The following PIGK variants were observed in gnomAD, a reference collection of about 807,000 sequenced individuals.
The protein encoded by PIGK is GPI-anchor transamidase.
In PIGK, 42 loss-of-function variants were observed where a neutral mutation model predicts 50.6. That is an observed-to-expected ratio of 0.83 (90% CI 0.65 to 1.07). The LOEUF is 1.07. PIGK is among the 50% of genes least tolerant of loss of function. The pLI is 0.00. For missense variants in PIGK, 448 were observed against 488.7 expected, an observed-to-expected ratio of 0.92 and a Z score of 0.78; for synonymous variants, 151 against 156.0, an observed-to-expected ratio of 0.97 and a Z score of 0.24.
chr1:77,197,491 C>T (rs1656062781), intron 3 of PIGK, among the ~76,000 whole-genome samples: 2 of 152,188 alleles, frequency 1.3e-5, no homozygotes, highest in African/African-American at 4.8e-5. Context: ...ATTTCTTACT[C>T]TCTGCAGGCT....
At chr1:77,092,579 C>T in intron 10 of PIGK, 89 bp from the exon 11 acceptor site, 2 of 772,756 alleles carry the variant, frequency 2.6e-6, no homozygotes. Context: ...AGATAAATTT[C>T]ACTGGTTGTG....
rs58788160 is a variant in PIGK at position 77,171,436 on chromosome 1, C to CAAA, written c.240-2044_240-2042dup. Among the ~76,000 whole-genome samples, 353 of 46,874 alleles carry CAAA rather than the reference C, an allele frequency of 7.5e-3. 62 individuals are homozygous for CAAA. The highest frequency in any genetic ancestry group is 0.018 in the South Asian group (21 of 1,144). The allele number at this position is 46,874 out of a possible 152,430, so 30.8% of individuals were successfully genotyped here. On this transcript the variant is annotated intron_variant, in intron 3 of 10. Transcript: ENST00000370812. ...TGGGCAACAGAGCAAGACTCCACCT[C>CAAA]AAAAAAAAAAAAAAAAAAAAAAAAA...
rs1654655019 is a variant in PIGK, at chr1:77,141,781, TAC to T, written c.986+12666_986+12667del. 2.0e-5 allele frequency among the ~76,000 whole-genome samples: 3 copies of T among 152,122 alleles called. No homozygotes were observed. The South Asian group carries it at 6.2e-4, about 31-fold the overall frequency. On this transcript the variant is annotated intron_variant, in intron 9 of 10. Transcript: ENST00000370812. ...TAATAAAAGCTCACAAAAATAACCT[TAC>T]TTTGACTTTTTAGGTCCACTTTGGC...
At chr1:77,215,375 T>C (rs1258190003) in intron 1 of PIGK, among the ~76,000 whole-genome samples, 2 of 152,022 alleles carry the variant, frequency 1.3e-5, no homozygotes, top group Non-Finnish European at 2.9e-5. Context: ...CAATGAGATA[T>C]CATCTTAGTG....
rs571673009 is a variant in PIGK, at chr1:77,196,701, T to C, written c.239+9939A>G. Among the ~76,000 whole-genome samples the C allele has an allele frequency of 1.6e-4, 24 of 152,308 alleles. No homozygotes were observed. In the Middle Eastern group the frequency reaches 0.017, roughly 108 times the overall value. On this transcript the variant is annotated intron_variant, in intron 3 of 10. Coordinates refer to ENST00000370812, the MANE Select transcript of PIGK (RefSeq NM_005482.3). ...CTTGTTGAGTTGTTTATGTTCCTTA[T>C]AGATTCTAGAAATTAGACCTTTATC...
intron 1 of PIGK, among the ~76,000 whole-genome samples, chr1:77,216,638 G>GT (rs1557435367): frequency 5.3e-5 from 8 of 151,324 alleles, no homozygotes; most frequent in African/African-American, 7.3e-5. Context: ...TGTGTGGGGG[G>GT]GTGTGTGTGT....
chr1:77,155,027 C>T (rs1385621676), intron 8 of PIGK, among the ~76,000 whole-genome samples: 1 of 152,122 alleles, frequency 6.6e-6, no homozygotes, highest in Admixed American at 6.6e-5. Flanking sequence ...AATCATGCCT[C>T]TTGATTCAAA....
intron 3 of PIGK, among the ~76,000 whole-genome samples, chr1:77,198,414 T>C (rs1465727808): frequency 1.3e-5 from 2 of 152,030 alleles, no homozygotes; most frequent in Non-Finnish European, 2.9e-5. Flanking sequence ...TTATTCCAAA[T>C]TTTTTAAATA....
At chr1:77,148,920 T>C (rs1040226257) in intron 9 of PIGK, among the ~76,000 whole-genome samples, 2 of 152,160 alleles carry the variant, frequency 1.3e-5, no homozygotes, top group Non-Finnish European at 2.9e-5. Context: ...TTTCACCATG[T>C]TGGCCAGAAT....
intron 6 of PIGK, among the ~76,000 whole-genome samples, chr1:77,162,561 G>A (rs988396469): frequency 1.3e-5 from 2 of 152,084 alleles, no homozygotes; most frequent in Non-Finnish European, 2.9e-5. Flanking sequence ...AAAGGTTTTT[G>A]TTTTTGTTGT....
intron 3 of PIGK, among the ~76,000 whole-genome samples, chr1:77,178,349 G>A (rs1483292011): frequency 6.6e-6 from 1 of 152,164 alleles, no homozygotes; most frequent in Non-Finnish European, 1.5e-5. Context: ...ATGGTTTGGA[G>A]TAAAAACGGC....
In PIGK at chr1:77,089,248, T is replaced by C. The variant is rs562200528; in HGVS notation, c.*3126A>G. 3.9e-5 allele frequency: 6 copies of C among 152,330 alleles called. No individual in the cohort carries two copies. The highest frequency in any genetic ancestry group is 3.9e-4 in the East Asian group (2 of 5,186). 9.4% of individuals were successfully genotyped at this position (152,330 alleles called of 1,614,324 possible). A position where few individuals can be genotyped will look rare whatever the true frequency, so the allele number is the denominator to read the frequency against. ...GGCAGGCAGCAACAGAACAGCAATA[T>C]TGGAGAACTCTTTCTTTGTAGTAAA... On this transcript the variant is annotated 3_prime_UTR_variant, in exon 11 of 11. Coordinates refer to ENST00000370812, the MANE Select transcript of PIGK (RefSeq NM_005482.3).
At chr1:77,135,954 G>C (rs944316608) in intron 9 of PIGK, among the ~76,000 whole-genome samples, 5 of 151,850 alleles carry the variant, frequency 3.3e-5, no homozygotes, top group African/African-American at 1.2e-4. Flanking sequence ...TTCAGTTTTT[G>C]CTTAAATTTA....
At chr1:77,195,209 G>A in intron 3 of PIGK, 2 of 1,201,788 alleles carry the variant, frequency 1.7e-6, no homozygotes, top group South Asian at 2.4e-5. Context: ...GATGAGAAAG[G>A]TGCTGGACTT....
intron 9 of PIGK, among the ~76,000 whole-genome samples, chr1:77,149,328 C>A (rs1654842361): frequency 6.6e-6 from 1 of 151,928 alleles, no homozygotes; most frequent in African/African-American, 2.4e-5. Context: ...GATTAAAAAA[C>A]AAGACCCACC....
chr1:77,099,650 G>A (rs574532735), intron 10 of PIGK, among the ~76,000 whole-genome samples: 1 of 152,142 alleles, frequency 6.6e-6, no homozygotes, highest in Non-Finnish European at 1.5e-5. Context: ...ACAACTATAT[G>A]TAACCTTTTA....
chr1:77,161,813 AT>A lies in PIGK; in HGVS notation c.585-103del, dbSNP rs1655135309. The stretch of plus-strand genomic sequence containing the variant: ...AAGATGTTTAAATCATATCTTAGTC[AT>A]TTCATTAGCTAAAAGTTTTCAGCAG... On this transcript the variant is annotated intron_variant, in intron 6 of 10. Transcript: ENST00000370812. 5 of 680,438 alleles carry A rather than the reference AT, an allele frequency of 7.3e-6. No homozygotes were observed. In the South Asian group the frequency reaches 9.1e-5, roughly 12 times the overall value. 42.2% of individuals were successfully genotyped at this position (680,438 alleles called of 1,614,324 possible). A position where few individuals can be genotyped will look rare whatever the true frequency, so the allele number is the denominator to read the frequency against.
intron 3 of PIGK, among the ~76,000 whole-genome samples, chr1:77,171,994 G>A (rs781655230): frequency 1.7e-4 from 26 of 150,862 alleles, no homozygotes; most frequent in Non-Finnish European, 3.5e-4. Flanking sequence ...TCCCATTGAA[G>A]ATGACATTAT....
rs1653321179 is a variant in PIGK at position 77,092,408 on chromosome 1, G to A, written c.1154C>T (p.Thr385Ile). ...WALIIMVFFKTYGIKHMKFIF is the reference protein window; with the variant it reads ...WALIIMVFFKIYGIKHMKFIF ...GAACTTCATATGCTTAATTCCATAA[G>A]TTTTGAAGAAAACCATGATAATAAG... Residue 385 changes from threonine to isoleucine, a missense_variant, in exon 11 of 11, where the codon ACT becomes ATT. By Grantham distance (89) the Thr-to-Ile change is moderately conservative. Coordinates refer to ENST00000370812, the MANE Select transcript of PIGK (RefSeq NM_005482.3). The A allele has an allele frequency of 1.2e-6, 2 of 1,600,446 alleles. No homozygotes were observed. The highest frequency in any genetic ancestry group is 2.2e-5 in the East Asian group (1 of 44,628).
Sources: allele counts gnomAD v4.1 joint callset (sites outside exome capture counted in the v4.1 genomes callset), GRCh38; gene constraint gnomAD v4.1.1; transcripts MANE v1.5; gene names NCBI Gene and HGNC (gene_info 2026-07-23, HGNC 2026-07-21).